The following SNX7 variants were observed in gnomAD, a reference collection of about 807,000 sequenced individuals.
SNX7 encodes the protein sorting nexin 7, also known as sorting nexin-7.
Under a neutral mutation model 48.4 loss-of-function variants are expected in SNX7, and 35 were observed. That is an observed-to-expected ratio of 0.72 (90% CI 0.55 to 0.96). The LOEUF (loss-of-function observed/expected upper bound fraction) is 0.96. Ranked by LOEUF, SNX7 falls within the 40% of genes least tolerant of loss-of-function variation. The pLI is 0.00. For synonymous variants in SNX7, 190 were observed against 190.2 expected, an observed-to-expected ratio of 1.00 and a Z score of 0.01; for missense variants, 553 against 548.9, an observed-to-expected ratio of 1.01 and a Z score of -0.07.
rs185011911 is a variant in SNX7 at position 98,703,075 on chromosome 1, C to T, written c.1125+1172C>T. ...TGTATATTTTTCTCTCTCTTTCCCT[C>T]TCCATAATTGAAACTCCTTAAGGGC... On this transcript the variant is annotated intron_variant, in intron 7 of 8. Coordinates refer to ENST00000306121, the MANE Select transcript of SNX7 (RefSeq NM_015976.5). Among the ~76,000 whole-genome samples, 201 of 152,166 alleles carry T rather than the reference C, an allele frequency of 1.3e-3. 2 individuals are homozygous for T. Among genetic ancestry groups the T allele is most frequent in the Middle Eastern group, 0.01 (3 of 294 alleles).
intron 3 of SNX7, 73 bp downstream of exon 3, chr1:98,691,258 C>A: frequency 1.2e-6 from 1 of 855,190 alleles, no homozygotes; most frequent in Non-Finnish European, 1.8e-6. Flanking sequence ...ATGCCTAAAA[C>A]CTAATTTCAG....
At chr1:98,679,104 G>A (rs140041996) in intron 1 of SNX7, among the ~76,000 whole-genome samples, 2 of 152,150 alleles carry the variant, frequency 1.3e-5, no homozygotes, top group African/African-American at 4.8e-5. Context: ...TAGGAAAAAG[G>A]GTTTAATGGA....
chr1:98,722,016 T>TA (rs1652901202), intron 7 of SNX7, among the ~76,000 whole-genome samples: 1 of 152,110 alleles, frequency 6.6e-6, no homozygotes, highest in South Asian at 2.1e-4. Flanking sequence ...CTACCTGTTC[T>TA]AAAATGTGGC....
chr1:98,679,256 C>T (rs914029904), intron 1 of SNX7, among the ~76,000 whole-genome samples: 2 of 152,100 alleles, frequency 1.3e-5, no homozygotes, highest in Non-Finnish European at 1.5e-5. Flanking sequence ...TCTCGTGAAA[C>T]GTATTCATTG....
At chr1:98,688,767 A>G (rs1372831509) in intron 2 of SNX7, among the ~76,000 whole-genome samples, 1 of 152,210 alleles carries the variant, frequency 6.6e-6, no homozygotes, top group Admixed American at 6.5e-5. Flanking sequence ...AGAAAACTGT[A>G]TTCTATGTTA....
chr1:98,695,819 CA>C (rs1300557963), intron 5 of SNX7, 103 bp downstream of exon 5: 1 of 855,130 alleles, frequency 1.2e-6, no homozygotes, highest in African/African-American at 1.7e-5. Context: ...ATGTCAGCTT[CA>C]AAGTGTGGCT....
In SNX7 at chr1:98,695,708, A is replaced by G. The variant is rs751423245; in HGVS notation, c.830A>G (p.Glu277Gly). 6.5e-7 allele frequency: 1 copy of G among 1,547,698 alleles called. No homozygotes were observed. Residue 277 changes from glutamate to glycine, a missense_variant, in exon 5 of 9, where the codon GAA (glutamate) becomes GGA (glycine). Physicochemically the swap from Glu to Gly is moderately conservative, Grantham distance 98 (BLOSUM62 -2). Transcript: ENST00000306121. ...AAAATATCTCAGAGAATTTATAAGG[A>G]AGAAAGGGGTAAGTAGAATTACTGA... Reference protein sequence around the residue: ...IDKISQRIYKEEREYFDEMKE... With the variant: ...IDKISQRIYKGEREYFDEMKE...
intron 8 of SNX7, among the ~76,000 whole-genome samples, chr1:98,753,756 CTAAATG>C (rs1255401138): frequency 6.6e-6 from 1 of 152,038 alleles, no homozygotes; most frequent in Admixed American, 6.6e-5. Flanking sequence ...GGGCTTTTCT[CTAAATG>C]TAAAGTGTGG....
intron 7 of SNX7, among the ~76,000 whole-genome samples, chr1:98,725,228 A>G (rs1411358325): frequency 6.6e-6 from 1 of 152,298 alleles, no homozygotes; most frequent in East Asian, 1.9e-4. Context: ...AATATCTATG[A>G]AAATTATTCC....
intron 4 of SNX7, among the ~76,000 whole-genome samples, chr1:98,691,918 C>T (rs147925220): frequency 2.2e-5 from 2 of 89,970 alleles, no homozygotes; most frequent in South Asian, 8.7e-4. Context: ...TATATATACA[C>T]ACACACACAC....
At chr1:98,675,634 G>T (rs1392381403) in intron 1 of SNX7, among the ~76,000 whole-genome samples, 1 of 152,180 alleles carries the variant, frequency 6.6e-6, no homozygotes, top group Non-Finnish European at 1.5e-5. Context: ...GCCAAAGCAC[G>T]TTTGTACGTA....
intron 8 of SNX7, among the ~76,000 whole-genome samples, chr1:98,750,917 G>A (rs1049579954): frequency 2.6e-5 from 4 of 152,168 alleles, no homozygotes; most frequent in South Asian, 2.1e-4. Flanking sequence ...AAAGCAGAGC[G>A]AGGCATATTT....
chr1:98,678,796 G>C (rs558133562), intron 1 of SNX7, among the ~76,000 whole-genome samples: 1 of 152,146 alleles, frequency 6.6e-6, no homozygotes, highest in African/African-American at 2.4e-5. Context: ...TGAGTCTATA[G>C]TCATATAATT....
chr1:98,728,565 C>T (rs1412515892), intron 7 of SNX7, among the ~76,000 whole-genome samples: 2 of 152,128 alleles, frequency 1.3e-5, no homozygotes, highest in Non-Finnish European at 2.9e-5. Flanking sequence ...ATCTCACAGG[C>T]AGAGACACAC....
chr1:98,704,219 G>C (rs573855163), intron 7 of SNX7, among the ~76,000 whole-genome samples: 2 of 152,202 alleles, frequency 1.3e-5, no homozygotes, highest in African/African-American at 4.8e-5. Context: ...ACTCTAAAGT[G>C]TTTAATACCC....
rs563126570 is a variant in SNX7, at chr1:98,722,854, G to A, written c.1126-15383G>A. ...TTTTATTATTTTGCTCAAAAATGTT[G>A]GTGATATATCTTTACGTAGATACAC... On this transcript the variant is annotated intron_variant, in intron 7 of 8. Coordinates refer to ENST00000306121, the MANE Select transcript of SNX7 (RefSeq NM_015976.5). Among the ~76,000 whole-genome samples, 3 of 151,950 alleles carry A rather than the reference G, an allele frequency of 2.0e-5. No individual in the cohort carries two copies. The South Asian group carries it at 6.2e-4, about 32-fold the overall frequency.
intron 7 of SNX7, among the ~76,000 whole-genome samples, chr1:98,703,780 T>C (rs1651878035): frequency 6.6e-6 from 1 of 152,054 alleles, no homozygotes; most frequent in Non-Finnish European, 1.5e-5. Context: ...CACATGTGTA[T>C]AGAAATTGTA....
rs749786581 is a variant in SNX7 at position 98,695,540 on chromosome 1, A to G, written c.662A>G (p.Gln221Arg). The G allele has an allele frequency of 1.2e-6, 2 of 1,613,958 alleles. No individual in the cohort carries two copies. The highest frequency in any genetic ancestry group is 1.7e-5 in the Admixed American group (1 of 59,986). ...TAGGAACTCTCTTCTCACAAGAAGC[A>G]AGGTCCTGGCTTGCTAAGCAGGATG... Reference protein sequence around the residue: ...QAWELSSHKKQGPGLLSRMGQ... With the variant: ...QAWELSSHKKRGPGLLSRMGQ... Residue 221 changes from glutamine to arginine, a missense_variant, in exon 5 of 9, where the codon CAA becomes CGA. Transcript: ENST00000306121.
At chr1:98,718,974 A>G (rs138563271) in intron 7 of SNX7, among the ~76,000 whole-genome samples, 169 of 152,240 alleles carry the variant, frequency 1.1e-3, no homozygotes, top group African/African-American at 3.8e-3. Flanking sequence ...TTTTGTGACT[A>G]TAAATAATGC....
Sources: gnomAD v4.1 joint callset for allele counts (sites outside exome capture counted in the v4.1 genomes callset) on GRCh38, gnomAD v4.1.1 for gene constraint, MANE v1.5 for transcripts, NCBI Gene and HGNC (gene_info 2026-07-23, HGNC 2026-07-21) for gene names.